Variants in FOXP2 observed in about 807,000 individuals in gnomAD.
FOXP2 encodes the protein forkhead box P2.
Under a neutral mutation model 115.8 loss-of-function variants are expected in FOXP2, and 12 were observed. The observed-to-expected ratio is 0.10, with a 90% CI of 0.07 to 0.17. The LOEUF (loss-of-function observed/expected upper bound fraction) is 0.17, where lower values mean the gene tolerates loss of function less well. FOXP2 is among the 10% of genes least tolerant of loss of function. The pLI is 1.00. For synonymous variants in FOXP2, 328 were observed against 297.7 expected (o/e 1.10, Z -1.05); for missense variants, 629 against 843.5 (o/e 0.75, Z 3.15).
chr7:114,525,998 G>C (rs925018176), intron 2 of FOXP2, among the ~76,000 whole-genome samples: 2 of 151,844 alleles, frequency 1.3e-5, no homozygotes, highest in Admixed American at 1.3e-4. Context: ...TCTAATCACA[G>C]CTACTTGGGA....
intron 3 of FOXP2, among the ~76,000 whole-genome samples, chr7:114,541,373 G>C (rs920480878): frequency 6.6e-6 from 1 of 152,030 alleles, no homozygotes; most frequent in African/African-American, 2.4e-5. Context: ...GAGGGGACTA[G>C]AGCAATCAAA....
chr7:114,095,456 T>G (rs938884897), intron 1 of FOXP2, among the ~76,000 whole-genome samples: 7 of 144,044 alleles, frequency 4.9e-5, no homozygotes, highest in African/African-American at 1.9e-4. Context: ...TTTTAAAGGG[T>G]TTTTTTTTTT....
intron 2 of FOXP2, among the ~76,000 whole-genome samples, chr7:114,379,931 T>C (rs1256668458): frequency 2.0e-5 from 3 of 152,142 alleles, no homozygotes; most frequent in African/African-American, 7.2e-5. Flanking sequence ...TGGCTAGCCA[T>C]CTGAAGGGGA....
intron 3 of FOXP2, among the ~76,000 whole-genome samples, chr7:114,580,774 ATAGGCAG>A (rs1396272566): frequency 6.6e-6 from 1 of 152,144 alleles, no homozygotes; most frequent in Non-Finnish European, 1.5e-5. Flanking sequence ...AAGTTTGACC[ATAGGCAG>A]TAGGAAGTTG....
intron 16 of FOXP2, among the ~76,000 whole-genome samples, chr7:114,680,422 C>T (rs945429372): frequency 2.0e-5 from 3 of 152,146 alleles, no homozygotes; most frequent in African/African-American, 4.8e-5. Context: ...TCAGTGCCCC[C>T]TTAAAGGAAT....
chr7:114,281,834 T>C (rs183355298), intron 1 of FOXP2, among the ~76,000 whole-genome samples: 4 of 152,282 alleles, frequency 2.6e-5, no homozygotes, highest in African/African-American at 4.8e-5. Flanking sequence ...TTTTATTTCA[T>C]CTCTATTTCT....
intron 3 of FOXP2, among the ~76,000 whole-genome samples, chr7:114,546,014 C>T (rs1799907298): frequency 6.6e-6 from 1 of 152,096 alleles, no homozygotes; most frequent in South Asian, 2.1e-4. Flanking sequence ...AAGACTGTGC[C>T]TTATTCATCT....
At chr7:114,532,398 C>T (rs1049853661) in intron 2 of FOXP2, among the ~76,000 whole-genome samples, 2 of 151,800 alleles carry the variant, frequency 1.3e-5, no homozygotes, top group Non-Finnish European at 2.9e-5. Flanking sequence ...ATTATAATGT[C>T]ATATATTCTC....
rs185597006 is a variant in FOXP2 at position 114,315,857 on chromosome 7, A to G, written c.-11+27748A>G. On this transcript the variant is annotated intron_variant, in intron 2 of 17. Transcript: ENST00000634411. ...TTTAAAAACACTGTATTTAGTATAT[A>G]TTGTTGCCTCACTATAGCCAATGTC... 1.2e-3 allele frequency among the ~76,000 whole-genome samples: 179 copies of G among 152,254 alleles called. 1 individual carries two copies. The highest frequency in any genetic ancestry group is 4.0e-3 in the African/African-American group (168 of 41,550).
intron 2 of FOXP2, among the ~76,000 whole-genome samples, chr7:114,481,666 T>C (rs945206394): frequency 2.0e-5 from 3 of 151,278 alleles, no homozygotes; most frequent in African/African-American, 7.3e-5. Context: ...GAAGGTAGGA[T>C]CAAGTCACCT....
At chr7:114,670,598 G>T (rs928734682) in intron 16 of FOXP2, among the ~76,000 whole-genome samples, 3 of 151,998 alleles carry the variant, frequency 2.0e-5, no homozygotes, top group Non-Finnish European at 4.4e-5. Flanking sequence ...AAACAGTATT[G>T]AAAATCTAAA....
chr7:114,265,956 C>T (rs973547716), intron 1 of FOXP2, among the ~76,000 whole-genome samples: 12 of 152,072 alleles, frequency 7.9e-5, no homozygotes, highest in Non-Finnish European at 1.5e-4. Flanking sequence ...GCCCTAACCC[C>T]CAAATTCATT....
intron 6 of FOXP2, among the ~76,000 whole-genome samples, chr7:114,638,924 G>A (rs1047761865): frequency 2.0e-5 from 3 of 151,996 alleles, no homozygotes; most frequent in African/African-American, 4.8e-5. Context: ...ATTTGAACAG[G>A]CCATTTATTC....
intron 3 of FOXP2, among the ~76,000 whole-genome samples, chr7:114,625,427 G>A (rs1010471045): frequency 6.6e-6 from 1 of 151,696 alleles, no homozygotes; most frequent in Non-Finnish European, 1.5e-5. Context: ...GTCTAACACC[G>A]AACTTGCTAA....
chr7:114,272,001 AATATT>A lies in FOXP2; in HGVS notation c.-101-16014_-101-16010del, dbSNP rs1347380273. 3.7e-5 allele frequency among the ~76,000 whole-genome samples: 5 copies of A among 135,976 alleles called. No homozygotes were observed. The South Asian group carries it at 1.1e-3, about 29-fold the overall frequency. 89.2% of individuals were successfully genotyped at this position (135,976 alleles called of 152,430 possible). On this transcript the variant is annotated intron_variant, in intron 1 of 17. Coordinates refer to the FOXP2 transcript ENST00000634411. ...TAATTATATATAATATATAATATGTAATATTATAATTATAATATTAATAAATAATA... is the reference window on the plus strand; with the variant it reads ...TAATTATATATAATATATAATATGTAATAATTATAATATTAATAAATAATA...
chr7:114,489,243 T>A (rs1796927117), intron 2 of FOXP2, among the ~76,000 whole-genome samples: 1 of 152,164 alleles, frequency 6.6e-6, no homozygotes, highest in African/African-American at 2.4e-5. Flanking sequence ...ATTTTAATAT[T>A]TTTAAAAAGT....
intron 1 of FOXP2, chr7:114,416,188 G>A (rs1793333871): frequency 6.6e-6 from 1 of 151,924 alleles, no homozygotes; most frequent in African/African-American, 2.4e-5. Flanking sequence ...TACAGTAATT[G>A]CCTGATGACA....
intron 2 of FOXP2, among the ~76,000 whole-genome samples, chr7:114,376,324 T>A (rs1478818346): frequency 6.6e-6 from 1 of 152,224 alleles, no homozygotes; most frequent in Admixed American, 6.5e-5. Context: ...CAGTTTATAA[T>A]CTCAGCGACA....
At chr7:114,514,003 T>A (rs1798200915) in intron 2 of FOXP2, among the ~76,000 whole-genome samples, 1 of 151,986 alleles carries the variant, frequency 6.6e-6, no homozygotes, top group Non-Finnish European at 1.5e-5. Context: ...TAACATTTTT[T>A]AAATTGATAA....
Sources: allele counts gnomAD v4.1 joint callset (sites outside exome capture counted in the v4.1 genomes callset), GRCh38; gene constraint gnomAD v4.1.1; transcripts MANE v1.5; gene names NCBI Gene and HGNC (gene_info 2026-07-23, HGNC 2026-07-21).